Variants in HPSE2 observed in about 807,000 individuals in gnomAD.
HPSE2 encodes the protein heparanase 2 (inactive).
Under a neutral mutation model 60.5 loss-of-function variants are expected in HPSE2, and 38 were observed. That is an observed-to-expected ratio of 0.63 (90% CI 0.48 to 0.82). The LOEUF is 0.82. Among genes scored for constraint, HPSE2 ranks in the 40% least tolerant of loss-of-function variants. The pLI is 0.00. For missense variants in HPSE2, 713 were observed against 740.4 expected, an observed-to-expected ratio of 0.96 and a Z score of 0.43; for synonymous variants, 295 against 293.2, an observed-to-expected ratio of 1.01 and a Z score of -0.06.
At chr10:98,908,162 A>G (rs1953875971) in intron 3 of HPSE2, among the ~76,000 whole-genome samples, 1 of 152,192 alleles carries the variant, frequency 6.6e-6, no homozygotes, top group Admixed American at 6.5e-5. Flanking sequence ...TAAGTTGTTA[A>G]TTAGTCACAA....
intron 2 of HPSE2, among the ~76,000 whole-genome samples, chr10:99,177,396 C>T (rs934996235): frequency 2.0e-5 from 3 of 151,826 alleles, no homozygotes; most frequent in African/African-American, 4.8e-5. Flanking sequence ...CAAAGACACA[C>T]ACAGACTCAA....
chr10:98,544,436 C>T (rs567724971), intron 9 of HPSE2, among the ~76,000 whole-genome samples: 10 of 152,080 alleles, frequency 6.6e-5, no homozygotes, highest in South Asian at 4.1e-4. Context: ...GAAGGCCGGG[C>T]GCGGTGGCTC....
intron 3 of HPSE2, among the ~76,000 whole-genome samples, chr10:98,989,334 A>C (rs975603567): frequency 6.6e-6 from 1 of 152,202 alleles, no homozygotes; most frequent in African/African-American, 2.4e-5. Context: ...TGATGAGTTC[A>C]TGTCCTTTGT....
At chr10:98,936,326 AC>A (rs1291213823) in intron 3 of HPSE2, among the ~76,000 whole-genome samples, 1 of 143,516 alleles carries the variant, frequency 7.0e-6, no homozygotes, top group African/African-American at 2.8e-5. Flanking sequence ...CTCCTGTCTC[AC>A]TAGAGTTCCA....
At position 98,614,898 on chromosome 10, in the gene HPSE2, A is replaced by G; in HGVS notation, c.1320+6T>C. ...AAGGGATTGGGAATCTTTATCCCACACTTACTGGTAATGGGTTAAAATTCT... is the reference window on the plus strand; with the variant it reads ...AAGGGATTGGGAATCTTTATCCCACGCTTACTGGTAATGGGTTAAAATTCT... On this transcript the variant is annotated splice_donor_region_variant and intron_variant, in intron 9 of 11. Coordinates refer to ENST00000370552, the MANE Select transcript of HPSE2 (RefSeq NM_021828.5). 2 of 1,570,670 alleles carry G rather than the reference A, an allele frequency of 1.3e-6. No homozygotes were observed. The highest frequency in any genetic ancestry group is 1.1e-5 in the South Asian group (1 of 90,200).
chr10:99,104,231 C>T (rs1198395862), intron 3 of HPSE2, among the ~76,000 whole-genome samples: 1 of 152,152 alleles, frequency 6.6e-6, no homozygotes, highest in African/African-American at 2.4e-5. Flanking sequence ...TTGCAATCTA[C>T]TCATCTGGCA....
At chr10:98,847,253 T>C (rs1461136227) in intron 3 of HPSE2, among the ~76,000 whole-genome samples, 2 of 152,220 alleles carry the variant, frequency 1.3e-5, no homozygotes, top group Non-Finnish European at 2.9e-5. Flanking sequence ...CAAAAATATA[T>C]CTGGTAACTC....
At chr10:98,908,761 T>C (rs900311960) in intron 3 of HPSE2, among the ~76,000 whole-genome samples, 4 of 150,770 alleles carry the variant, frequency 2.7e-5, no homozygotes, top group African/African-American at 9.8e-5. Context: ...TATATTTATA[T>C]AAAGGGGCTA....
At chr10:99,181,191 G>A (rs1847756563) in intron 2 of HPSE2, among the ~76,000 whole-genome samples, 1 of 151,102 alleles carries the variant, frequency 6.6e-6, no homozygotes, top group South Asian at 2.1e-4. Flanking sequence ...GAGGTCAGGA[G>A]ATTGAGACCA....
intron 3 of HPSE2, among the ~76,000 whole-genome samples, chr10:99,070,489 ATTC>A (rs902332471): frequency 1.2e-4 from 18 of 152,214 alleles, no homozygotes; most frequent in Non-Finnish European, 2.4e-4. Flanking sequence ...ATAAAAGATA[ATTC>A]TTTTTTATTG....
upstream of HPSE2, among the ~76,000 whole-genome samples, chr10:99,238,165 AAGGG>A (rs1849902391): frequency 6.6e-6 from 1 of 152,192 alleles, no homozygotes; most frequent in African/African-American, 2.4e-5. Context: ...CAGATTTTCC[AAGGG>A]CCTAAAATAC....
chr10:98,823,539 T>C (rs932186861), intron 3 of HPSE2, among the ~76,000 whole-genome samples: 2 of 152,062 alleles, frequency 1.3e-5, no homozygotes, highest in Non-Finnish European at 2.9e-5. Flanking sequence ...GGTGAGAGGA[T>C]TGCTTGATCC....
At chr10:99,127,981 G>A (rs1041791897) in intron 3 of HPSE2, among the ~76,000 whole-genome samples, 7 of 151,186 alleles carry the variant, frequency 4.6e-5, no homozygotes, top group South Asian at 4.2e-4. Context: ...CAAGAAATGC[G>A]AAAAGGAGTT....
intron 6 of HPSE2, among the ~76,000 whole-genome samples, chr10:98,653,944 T>G (rs963295142): frequency 2.0e-5 from 3 of 152,086 alleles, no homozygotes; most frequent in Admixed American, 6.5e-5. Flanking sequence ...TCTTTATTTC[T>G]CTTTCACTTT....
chr10:98,589,659 A>C (rs542644622), intron 9 of HPSE2, among the ~76,000 whole-genome samples: 49 of 152,262 alleles, frequency 3.2e-4, no homozygotes, highest in Middle Eastern at 3.4e-3. Flanking sequence ...TCGTTGGTCT[A>C]CCTTCTCTAG....
At chr10:99,139,434 C>A (rs1341668360) in intron 3 of HPSE2, among the ~76,000 whole-genome samples, 1 of 151,890 alleles carries the variant, frequency 6.6e-6, no homozygotes, top group Non-Finnish European at 1.5e-5. Flanking sequence ...AAGCTGTTGA[C>A]ATTTTAAATA....
chr10:98,508,789 T>A (rs1005100466), intron 9 of HPSE2, among the ~76,000 whole-genome samples: 3 of 152,082 alleles, frequency 2.0e-5, no homozygotes, highest in Non-Finnish European at 1.5e-5. Flanking sequence ...GAGTTTGGTG[T>A]GTTTGAGAAT....
At chr10:98,610,857 T>C (rs76523107) in intron 9 of HPSE2, among the ~76,000 whole-genome samples, 2,377 of 152,294 alleles carry the variant, frequency 0.016, 66 homozygotes, top group African/African-American at 0.054. Flanking sequence ...TAAGAAGATG[T>C]CGACTAGTAA....
the HPSE2 span, among the ~76,000 whole-genome samples, chr10:99,306,151 C>A: frequency 6.6e-6 from 1 of 151,892 alleles, no homozygotes; most frequent in Non-Finnish European, 1.5e-5. Flanking sequence ...TTTAGAATTC[C>A]AGAAGAGCAG....
Sources: allele counts gnomAD v4.1 joint callset (sites outside exome capture counted in the v4.1 genomes callset), GRCh38; gene constraint gnomAD v4.1.1; transcripts MANE v1.5; gene names NCBI Gene and HGNC (gene_info 2026-07-23, HGNC 2026-07-21).